Variants in PITPNM3 observed in about 807,000 individuals in gnomAD.
The protein encoded by PITPNM3 is membrane-associated phosphatidylinositol transfer protein 3.
PITPNM3 carries 26 observed loss-of-function variants against 102.0 expected under a neutral mutation model. That is an observed-to-expected ratio of 0.25 (90% CI 0.19 to 0.35). The LOEUF (loss-of-function observed/expected upper bound fraction) is 0.35, where lower values mean the gene tolerates loss of function less well. Among genes scored for constraint, PITPNM3 ranks in the 10% least tolerant of loss-of-function variants. PITPNM3 has a pLI of 1.00. For missense variants in PITPNM3, 1,083 were observed against 1,346.1 expected (o/e 0.80, Z 3.06); for synonymous variants, 578 against 558.6 (o/e 1.03, Z -0.49).
chr17:6,534,776 T>C (rs1223890366), intron 2 of PITPNM3, among the ~76,000 whole-genome samples: 1 of 151,942 alleles, frequency 6.6e-6, no homozygotes, highest in East Asian at 1.9e-4. Flanking sequence ...CATTTTTGTA[T>C]CAGTTGAGGT....
chr17:6,538,550 G>C (rs563473649), intron 1 of PITPNM3, among the ~76,000 whole-genome samples: 1 of 152,298 alleles, frequency 6.6e-6, no homozygotes, highest in East Asian at 1.9e-4. Flanking sequence ...TCAAGTTCTG[G>C]CCAAGCAGGG....
chr17:6,478,574 G>A lies in PITPNM3; in HGVS notation c.750C>T (p.Ser250=). ...ANQVYREFLK[S]SDGIGFSGQV... The stretch of plus-strand genomic sequence containing the variant: ...GCCCACTGAAGCCAATCCCATCAGA[G>A]GACTTCAGGAACTCTCTGTAGACCT... The change falls in exon 7 of 20, where the codon TCC becomes TCT. Residue 250 remains serine, a synonymous_variant. Transcript: ENST00000262483. This position sits in a 1 kb window ranked among gnomAD's most constrained non-coding sequence, Gnocchi z 4.4. The A allele has an allele frequency of 6.2e-7, 1 of 1,614,134 alleles. No homozygotes were observed. Among genetic ancestry groups the A allele is most frequent in the Non-Finnish European group, 8.5e-7 (1 of 1,180,038 alleles).
intron 4 of PITPNM3, among the ~76,000 whole-genome samples, chr17:6,501,351 G>A (rs1346377146): frequency 6.6e-6 from 1 of 152,152 alleles, no homozygotes; most frequent in African/African-American, 2.4e-5. Flanking sequence ...TCCCAGAGCT[G>A]GCTAATTCCT....
At chr17:6,552,674 C>A (rs967358316) in intron 1 of PITPNM3, among the ~76,000 whole-genome samples, 39 of 152,214 alleles carry the variant, frequency 2.6e-4, no homozygotes, top group Non-Finnish European at 2.6e-4. Flanking sequence ...CCCACACTTA[C>A]ACATGTGCCT....
rs1905448483 is a variant in PITPNM3 at position 6,478,411 on chromosome 17, T to C, written c.777+136A>G. 2.6e-6 allele frequency: 3 copies of C among 1,159,418 alleles called. No homozygotes were observed. In the Admixed American group the frequency reaches 6.0e-5, roughly 23 times the overall value. The allele number at this position is 1,159,418 out of a possible 1,614,324, so 71.8% of individuals were successfully genotyped here. A position where few individuals can be genotyped will look rare whatever the true frequency, so the allele number is the denominator to read the frequency against. On this transcript the variant is annotated intron_variant, in intron 7 of 19. Coordinates refer to ENST00000262483, the MANE Select transcript of PITPNM3 (RefSeq NM_031220.4). This position sits in a 1 kb window ranked among gnomAD's most constrained non-coding sequence, Gnocchi z 4.4. ...TGTAAAATGAGGGCTAACTCAGAGA[T>C]CTCAAAAGCCACCTTTGGGCTCAGA...
chr17:6,497,002 G>T (rs1906871979), intron 4 of PITPNM3, among the ~76,000 whole-genome samples: 2 of 152,068 alleles, frequency 1.3e-5, no homozygotes, highest in Admixed American at 6.5e-5. Flanking sequence ...ACACAAACGA[G>T]AAGGAACGAT....
intron 4 of PITPNM3, among the ~76,000 whole-genome samples, chr17:6,500,217 T>C (rs917620762): frequency 6.6e-6 from 1 of 152,190 alleles, no homozygotes; most frequent in Non-Finnish European, 1.5e-5. Flanking sequence ...CAGGGCAACT[T>C]TTACCACCTC....
In PITPNM3 at chr17:6,458,283, C is replaced by T. The variant is rs1012328075; in HGVS notation, c.2491-561G>A. Among the ~76,000 whole-genome samples, 7 of 152,208 alleles carry T rather than the reference C, an allele frequency of 4.6e-5. No homozygotes were observed. The East Asian group carries it at 1.2e-3, about 25-fold the overall frequency. On this transcript the variant is annotated intron_variant, in intron 18 of 19. Coordinates refer to ENST00000262483, the MANE Select transcript of PITPNM3 (RefSeq NM_031220.4). This position sits in a 1 kb window ranked among gnomAD's most constrained non-coding sequence, Gnocchi z 5.1. ...TTCCCTCCCCTCCCCAGGATAAACC[C>T]GATCAAACTACCTCCTCCTGTGAGG...
chr17:6,488,477 G>A (rs773809881), intron 4 of PITPNM3, among the ~76,000 whole-genome samples: 2 of 152,198 alleles, frequency 1.3e-5, no homozygotes, highest in Non-Finnish European at 2.9e-5. Flanking sequence ...GGCCCCTTGA[G>A]AATAGAGTTT....
At position 6,468,306 on chromosome 17, in the gene PITPNM3, G is replaced by A. The variant is rs760833656; in HGVS notation, c.1809C>T (p.Ser603=). ...MRYESVNIKE[S]ARLDPAALSP... is the part of the protein sequence containing the mutation. The stretch of plus-strand genomic sequence containing the variant: ...TCAGTGCTGCAGGGTCCAGGCGGGC[G>A]CTTTCCTTGATGTTCACGCTCTCAT... Residue 603 remains serine (S), a synonymous_variant, in exon 14 of 20, where the codon AGC becomes AGT. Transcript: ENST00000262483. The surrounding 1 kb of genome is among the most constrained non-coding windows in gnomAD (Gnocchi z 5.2). 60 of 1,613,920 alleles carry A rather than the reference G, an allele frequency of 3.7e-5. No homozygotes were observed. Among genetic ancestry groups the A allele is most frequent in the East Asian group, 1.6e-4 (7 of 44,896 alleles).
intron 1 of PITPNM3, among the ~76,000 whole-genome samples, chr17:6,545,912 C>A (rs1201322252): frequency 6.6e-6 from 1 of 152,244 alleles, no homozygotes; most frequent in Non-Finnish European, 1.5e-5. Flanking sequence ...CAGGTCAGGG[C>A]TGGGCACACA....
At chr17:6,505,291 T>C (rs574006366) in intron 3 of PITPNM3, among the ~76,000 whole-genome samples, 2 of 151,938 alleles carry the variant, frequency 1.3e-5, no homozygotes, top group African/African-American at 4.8e-5. Flanking sequence ...TTGTTTTATT[T>C]ACTTGTTTAC....
intron 1 of PITPNM3, among the ~76,000 whole-genome samples, chr17:6,542,739 G>A (rs1909799349): frequency 6.6e-6 from 1 of 152,210 alleles, no homozygotes; most frequent in Non-Finnish European, 1.5e-5. Context: ...ACCAAGGATT[G>A]AGGCAGGGTA....
chr17:6,512,582 C>A (rs1360454877), intron 3 of PITPNM3, among the ~76,000 whole-genome samples: 2 of 152,092 alleles, frequency 1.3e-5, no homozygotes, highest in Non-Finnish European at 2.9e-5. Context: ...GAAATGTGAC[C>A]CCCAAAGTCA....
At position 6,474,545 on chromosome 17, in the gene PITPNM3, A is replaced by G. The variant is rs1289913063; in HGVS notation, c.1145T>C (p.Leu382Pro). The change falls in exon 10 of 20, where the codon CTC (leucine) becomes CCC (proline). Residue 382 changes from leucine (L) to proline (P), a missense_variant. Leu to Pro is a moderately conservative substitution (Grantham distance 98). Around this residue, in one of 5 missense-constraint regions of PITPNM3, gnomAD observed 172 missense variants for 175.6 expected, o/e 0.98. Coordinates refer to ENST00000262483, the MANE Select transcript of PITPNM3 (RefSeq NM_031220.4). ...AAAGCGGCCCAGGCTGACCTCAGGG[A>G]GCTGCGGCCCCCCAGCCGCCGGGGT... Reference protein sequence around the residue: ...SETPAAGGPQLPEVSLGRFDF... With the variant: ...SETPAAGGPQPPEVSLGRFDF... 6.2e-7 allele frequency: 1 copy of G among 1,606,806 alleles called. No homozygotes were observed. The highest frequency in any genetic ancestry group is 2.2e-5 in the East Asian group (1 of 44,472).
At position 6,556,336 on chromosome 17, in the gene PITPNM3, G is replaced by T. The variant is rs973321140; in HGVS notation, c.22+49C>A. On this transcript the variant is annotated intron_variant, in intron 1 of 19. Transcript: ENST00000262483. The surrounding 1 kb of genome is among the most constrained non-coding windows in gnomAD (Gnocchi z 5.2). The stretch of plus-strand genomic sequence containing the variant: ...CCGGCGGCCCCTCCTCTAGACGCGC[G>T]AGTCCCTCCCCCGGGCCCCGGCCCT... 2 of 1,389,460 alleles carry T rather than the reference G, an allele frequency of 1.4e-6. No homozygotes were observed. Among genetic ancestry groups the T allele is most frequent in the Non-Finnish European group, 9.4e-7 (1 of 1,063,160 alleles). The allele number at this position is 1,389,460 out of a possible 1,614,324, so 86.1% of individuals were successfully genotyped here.
chr17:6,496,297 C>T (rs1906812019), intron 4 of PITPNM3, among the ~76,000 whole-genome samples: 1 of 152,180 alleles, frequency 6.6e-6, no homozygotes, highest in African/African-American at 2.4e-5. Context: ...CACACCACCC[C>T]TCTCCAGGCT....
At chr17:6,507,618 AG>A (rs1907614272) in intron 3 of PITPNM3, among the ~76,000 whole-genome samples, 1 of 151,842 alleles carries the variant, frequency 6.6e-6, no homozygotes, top group African/African-American at 2.4e-5. Flanking sequence ...ACAGACTTGA[AG>A]ATAACACCAT....
chr17:6,457,569 C>G lies in PITPNM3; in HGVS notation c.2619+25G>C. The stretch of plus-strand genomic sequence containing the variant: ...TTCCCTGACCTCCCTCACAACTCCC[C>G]GCCTCCAGCCCCGCCTCCACCCACC... On this transcript the variant is annotated intron_variant, in intron 19 of 19. Transcript: ENST00000262483. This position sits in a 1 kb window ranked among gnomAD's most constrained non-coding sequence, Gnocchi z 4.7. 1 of 1,611,898 alleles carries G rather than the reference C, an allele frequency of 6.2e-7. No homozygotes were observed. Among genetic ancestry groups the G allele is most frequent in the African/African-American group, 1.4e-5 (1 of 73,858 alleles).
Sources: gnomAD v4.1 joint callset for allele counts (sites outside exome capture counted in the v4.1 genomes callset) on GRCh38, gnomAD v4.1.1 for gene constraint, gnomAD v4.1.1 regional missense constraint, Gnocchi (gnomAD v3.1) non-coding constraint, MANE v1.5 for transcripts, NCBI Gene and HGNC (gene_info 2026-07-23, HGNC 2026-07-21) for gene names.